Variants in FNBP1L observed in about 807,000 individuals in gnomAD.
FNBP1L encodes formin binding protein 1 like.
Under a neutral mutation model 91.2 loss-of-function variants are expected in FNBP1L, and 36 were observed. The ratio of observed to expected loss-of-function variants is 0.39; its 90% CI spans 0.30 to 0.52. The LOEUF is 0.52. Among genes scored for constraint, FNBP1L ranks in the 20% least tolerant of loss-of-function variants. The pLI, the probability that FNBP1L is intolerant of heterozygous loss-of-function variation, is 0.66. For missense variants in FNBP1L, 571 were observed against 732.1 expected (o/e 0.78, Z 2.54); for synonymous variants, 242 against 237.0 (o/e 1.02, Z -0.19).
chr1:93,459,560 A>G (rs980172688), intron 1 of FNBP1L, among the ~76,000 whole-genome samples: 3 of 152,242 alleles, frequency 2.0e-5, no homozygotes, highest in Non-Finnish European at 2.9e-5. Context: ...CTGTTACTAA[A>G]AAAAGGAAAG....
chr1:93,493,655 G>A (rs1361274847), intron 1 of FNBP1L, among the ~76,000 whole-genome samples: 1 of 152,102 alleles, frequency 6.6e-6, no homozygotes, highest in African/African-American at 2.4e-5. Flanking sequence ...TTAGCATGAT[G>A]TCTTAGATAT....
In FNBP1L at chr1:93,453,999, C is replaced by G. The variant is rs117858541; in HGVS notation, c.24+5694C>G. On this transcript the variant is annotated intron_variant, in intron 1 of 16. Coordinates refer to ENST00000271234, the MANE Select transcript of FNBP1L (RefSeq NM_001164473.3). ...TTCATTCTAGGTATCACAGGAAAAT[C>G]TTTAGGAAGACTGTCATTTGACCTA... is the stretch of plus-strand genomic sequence containing the variant. Among the ~76,000 whole-genome samples the G allele has an allele frequency of 5.9e-5, 9 of 152,248 alleles. No individual in the cohort carries two copies. The East Asian group carries it at 1.7e-3, about 29-fold the overall frequency.
At position 93,553,256 on chromosome 1, in the gene FNBP1L, T is replaced by C. The variant is rs1344380415; in HGVS notation, c.*840T>C. On this transcript the variant is annotated 3_prime_UTR_variant, in exon 17 of 17. Transcript: ENST00000271234. ...TTCACCACCTCAAGACAAAGGACTA[T>C]TGTCAAAAGTCAGCTGCTTCCATTC... 6.6e-6 allele frequency: 1 copy of C among 152,654 alleles called. No individual in the cohort carries two copies. Among genetic ancestry groups the C allele is most frequent in the Non-Finnish European group, 1.5e-5 (1 of 68,054 alleles). 9.5% of individuals were successfully genotyped at this position (152,654 alleles called of 1,614,324 possible). A position where few individuals can be genotyped will look rare whatever the true frequency, so the allele number is the denominator to read the frequency against.
intron 1 of FNBP1L, among the ~76,000 whole-genome samples, chr1:93,472,540 T>C (rs11164936): frequency 0.51 from 76,745 of 151,018 alleles, 21,573 homozygotes; most frequent in East Asian, 0.64. Flanking sequence ...CGGCCGGGCG[T>C]GGTGGCTTAT....
intron 10 of FNBP1L, among the ~76,000 whole-genome samples, chr1:93,540,743 T>C (rs1261733395): frequency 6.6e-6 from 1 of 151,650 alleles, no homozygotes; most frequent in African/African-American, 2.4e-5. Context: ...TCCACTTACA[T>C]AAAATTCACT....
intron 4 of FNBP1L, 146 bp downstream of exon 4, chr1:93,523,637 T>A: frequency 1.1e-6 from 1 of 882,922 alleles, no homozygotes; most frequent in Non-Finnish European, 1.6e-6. Flanking sequence ...CACAAAATAC[T>A]CTTGCTAATT....
In FNBP1L at chr1:93,554,551, A is replaced by C. The variant is rs1355723512; in HGVS notation, c.*2135A>C. The C allele has an allele frequency of 6.6e-6, 1 of 152,444 alleles. No individual in the cohort carries two copies. Among genetic ancestry groups the C allele is most frequent in the Non-Finnish European group, 1.5e-5 (1 of 67,972 alleles). The allele number at this position is 152,444 out of a possible 1,614,324, so 9.4% of individuals were successfully genotyped here. A position where few individuals can be genotyped will look rare whatever the true frequency, so the allele number is the denominator to read the frequency against. Reference sequence around the variant, plus strand: ...AATCTTTAATTTTTTGGTAATTTTTACTCTTTTTGTGCACATGTTGATTTC... The same window carrying C: ...AATCTTTAATTTTTTGGTAATTTTTCCTCTTTTTGTGCACATGTTGATTTC... On this transcript the variant is annotated 3_prime_UTR_variant, in exon 17 of 17. Coordinates refer to ENST00000271234, the MANE Select transcript of FNBP1L (RefSeq NM_001164473.3).
intron 1 of FNBP1L, among the ~76,000 whole-genome samples, chr1:93,486,281 T>C (rs1669898862): frequency 6.6e-6 from 1 of 152,164 alleles, no homozygotes; most frequent in Non-Finnish European, 1.5e-5. Context: ...TATTTTGGTG[T>C]AATACAGTTA....
intron 1 of FNBP1L, 138 bp downstream of exon 1, chr1:93,448,443 T>C: frequency 1.0e-6 from 1 of 973,228 alleles, no homozygotes; most frequent in Non-Finnish European, 1.4e-6. Context: ...AGGGTCCCGC[T>C]CGTCTTTGTG....
intron 2 of FNBP1L, among the ~76,000 whole-genome samples, chr1:93,509,407 T>C (rs1369391106): frequency 2.0e-5 from 3 of 152,168 alleles, no homozygotes; most frequent in East Asian, 1.9e-4. Context: ...CCATGCAGAA[T>C]TGGCCACGTC....
intron 3 of FNBP1L, 103 bp from the exon 4 acceptor site, chr1:93,523,241 T>A (rs147596182): frequency 8.4e-7 from 1 of 1,195,196 alleles, no homozygotes; most frequent in African/African-American, 1.6e-5. Context: ...AGATTTAGGT[T>A]GAATATGCTA....
At chr1:93,476,832 A>G (rs760315667) in intron 1 of FNBP1L, among the ~76,000 whole-genome samples, 1 of 152,200 alleles carries the variant, frequency 6.6e-6, no homozygotes, top group East Asian at 1.9e-4. Context: ...ACACAGAGAA[A>G]GATGTGTTAC....
chr1:93,481,052 G>A (rs1489374137), intron 1 of FNBP1L, among the ~76,000 whole-genome samples: 1 of 151,968 alleles, frequency 6.6e-6, no homozygotes, highest in African/African-American at 2.4e-5. Context: ...AATCTTACTT[G>A]TGTTACCATA....
At chr1:93,538,194 GA>G (rs887033299) in intron 10 of FNBP1L, among the ~76,000 whole-genome samples, 15 of 143,488 alleles carry the variant, frequency 1.0e-4, no homozygotes, top group South Asian at 2.2e-4. Context: ...TAATTCTAAG[GA>G]AAAAAAAAAC....
At chr1:93,490,455 A>G (rs1030679413) in intron 1 of FNBP1L, among the ~76,000 whole-genome samples, 1 of 152,210 alleles carries the variant, frequency 6.6e-6, no homozygotes, top group Non-Finnish European at 1.5e-5. Flanking sequence ...GTTTACATAT[A>G]AGATGATAAG....
intron 14 of FNBP1L, among the ~76,000 whole-genome samples, chr1:93,548,441 AT>A (rs1278901811): frequency 6.6e-6 from 1 of 152,014 alleles, no homozygotes; most frequent in African/African-American, 2.4e-5. Context: ...GCTTTTTTGG[AT>A]TTTTTTAAGT....
At chr1:93,495,170 A>T (rs1670221432) in intron 1 of FNBP1L, among the ~76,000 whole-genome samples, 1 of 152,242 alleles carries the variant, frequency 6.6e-6, no homozygotes, top group Non-Finnish European at 1.5e-5. Flanking sequence ...CCACATGGAA[A>T]AATAGAAATA....
rs185721549 is a variant in FNBP1L, at chr1:93,534,328, A to G, written c.787-377A>G. 7.2e-3 allele frequency among the ~76,000 whole-genome samples: 1,094 copies of G among 152,286 alleles called. 12 individuals are homozygous for G. The highest frequency in any genetic ancestry group is 0.025 in the African/African-American group (1,034 of 41,576). ...TTGTTGACATCTATCTTTTAAAGCA[A>G]AAAGCCTTTTTCCTTTGAAACTTCT... On this transcript the variant is annotated intron_variant, in intron 8 of 16. Coordinates refer to ENST00000271234, the MANE Select transcript of FNBP1L (RefSeq NM_001164473.3).
chr1:93,514,657 A>T (rs1671006608), intron 2 of FNBP1L, among the ~76,000 whole-genome samples: 1 of 152,222 alleles, frequency 6.6e-6, no homozygotes, highest in African/African-American at 2.4e-5. Context: ...GAGAAAAACA[A>T]GCATTGGGGA....
Sources: allele counts gnomAD v4.1 joint callset (sites outside exome capture counted in the v4.1 genomes callset), GRCh38; gene constraint gnomAD v4.1.1; transcripts MANE v1.5; gene names NCBI Gene and HGNC (gene_info 2026-07-23, HGNC 2026-07-21).